ZNF385D: variants seen among roughly 807,000 people sequenced by gnomAD.
ZNF385D encodes zinc finger protein 385D.
ZNF385D carries 15 observed loss-of-function variants against 35.8 expected under a neutral mutation model. The observed-to-expected ratio is 0.42, with a 90% CI of 0.28 to 0.64. The LOEUF is 0.64. Among genes scored for constraint, ZNF385D ranks in the 30% least tolerant of loss-of-function variants. The pLI is 0.23. For missense variants in ZNF385D, 474 were observed against 494.6 expected (o/e 0.96, Z 0.39); for synonymous variants, 212 against 186.8 (o/e 1.13, Z -1.10).
intron 3 of ZNF385D, among the ~76,000 whole-genome samples, chr3:21,924,289 A>T (rs1433219013): frequency 6.6e-6 from 1 of 152,222 alleles, no homozygotes; most frequent in Non-Finnish European, 1.5e-5. Flanking sequence ...AAGGTATTGT[A>T]AAATCCAAGG....
intron 4 of ZNF385D, among the ~76,000 whole-genome samples, chr3:21,451,004 T>A (rs1344980855): frequency 6.6e-6 from 1 of 152,114 alleles, no homozygotes. Context: ...CTTATTAACT[T>A]TTTTTTCAAG....
intron 4 of ZNF385D, among the ~76,000 whole-genome samples, chr3:21,458,909 T>G (rs1470699619): frequency 3.9e-5 from 6 of 152,148 alleles, no homozygotes; most frequent in African/African-American, 1.4e-4. Context: ...CTAAAACCAG[T>G]TAATTGTACA....
intron 2 of ZNF385D, among the ~76,000 whole-genome samples, chr3:22,190,539 A>T (rs1403468941): frequency 6.6e-6 from 1 of 152,180 alleles, no homozygotes; most frequent in African/African-American, 2.4e-5. Flanking sequence ...ACAAGTTCAT[A>T]AAGTAATTGC....
chr3:21,758,164 G>A (rs769501248), intron 3 of ZNF385D, among the ~76,000 whole-genome samples: 1 of 152,146 alleles, frequency 6.6e-6, no homozygotes, highest in African/African-American at 2.4e-5. Context: ...CCTTATTACA[G>A]TATTTATTAG....
chr3:21,653,661 G>C (rs370119370), intron 2 of ZNF385D, among the ~76,000 whole-genome samples: 4 of 151,832 alleles, frequency 2.6e-5, no homozygotes, highest in Admixed American at 2.6e-4. Flanking sequence ...CTTAAAACCA[G>C]ATTCTGTCAA....
In ZNF385D at chr3:21,646,510, T is replaced by C. The variant is rs999756086; in HGVS notation, c.165+18376A>G. 6.6e-6 allele frequency among the ~76,000 whole-genome samples: 1 copy of C among 152,200 alleles called. No homozygotes were observed. Among genetic ancestry groups the C allele is most frequent in the Admixed American group, 6.5e-5 (1 of 15,284 alleles). On this transcript the variant is annotated intron_variant, in intron 2 of 7. Transcript: ENST00000281523. The surrounding 1 kb of genome is among the most constrained non-coding windows in gnomAD (Gnocchi z 4.3). The stretch of plus-strand genomic sequence containing the variant: ...TCAAAAACTAATAACCACAGACTAT[T>C]TTCAGTAGTAACTGAAACTAATTCA...
intron 3 of ZNF385D, among the ~76,000 whole-genome samples, chr3:22,091,261 A>G (rs1044876148): frequency 2.0e-5 from 3 of 152,198 alleles, no homozygotes; most frequent in African/African-American, 7.2e-5. Context: ...ACTGGTGAAG[A>G]TAAACCAGTC....
chr3:21,912,852 G>T (rs1700026201), intron 3 of ZNF385D, among the ~76,000 whole-genome samples: 1 of 152,010 alleles, frequency 6.6e-6, no homozygotes, highest in Admixed American at 6.6e-5. Context: ...GTTCTTCTCT[G>T]AACAGCATTT....
At chr3:21,936,907 T>A (rs1342505229) in intron 3 of ZNF385D, among the ~76,000 whole-genome samples, 1 of 152,208 alleles carries the variant, frequency 6.6e-6, no homozygotes, top group Non-Finnish European at 1.5e-5. Flanking sequence ...AGTGAATTGC[T>A]AAATTTAAAC....
At chr3:21,810,994 G>GTATATATATA (rs1426874955) in intron 3 of ZNF385D, among the ~76,000 whole-genome samples, 37 of 108,570 alleles carry the variant, frequency 3.4e-4, no homozygotes, top group Admixed American at 7.3e-4. Flanking sequence ...GTGTGTGTGT[G>GTATATATATA]TGTGTATATA....
intron 3 of ZNF385D, among the ~76,000 whole-genome samples, chr3:22,048,331 C>A (rs1699133448): frequency 6.6e-6 from 1 of 152,084 alleles, no homozygotes; most frequent in Non-Finnish European, 1.5e-5. Context: ...AAAATCAATG[C>A]CCAAACCAGT....
At chr3:21,574,378 A>G (rs540967156) in intron 2 of ZNF385D, among the ~76,000 whole-genome samples, 3 of 152,280 alleles carry the variant, frequency 2.0e-5, no homozygotes, top group South Asian at 2.1e-4. Context: ...ATAAATGGCT[A>G]GAAAATAATT....
Position 21,501,265 on chromosome 3 carries a change from C to T in ZNF385D, c.439+9596G>A, listed in dbSNP as rs556817578. Among the ~76,000 whole-genome samples the T allele has an allele frequency of 5.1e-4, 78 of 152,266 alleles. 1 individual carries two copies. The highest frequency in any genetic ancestry group is 1.9e-3 in the African/African-American group (77 of 41,560). Reference sequence around the variant, plus strand: ...TTCTGCCGTCTTCCTTCTTTCTTGCCTATTAAACTCTCCACTCCTTAAAAT... The same window carrying T: ...TTCTGCCGTCTTCCTTCTTTCTTGCTTATTAAACTCTCCACTCCTTAAAAT... On this transcript the variant is annotated intron_variant, in intron 4 of 7. Coordinates refer to ENST00000281523, the MANE Select transcript of ZNF385D (RefSeq NM_024697.3).
intron 2 of ZNF385D, among the ~76,000 whole-genome samples, chr3:21,571,633 A>G (rs2063337330): frequency 6.6e-6 from 1 of 152,154 alleles, no homozygotes; most frequent in Non-Finnish European, 1.5e-5. Context: ...ACAAGACTCT[A>G]CTTCAAACAC....
intron 3 of ZNF385D, among the ~76,000 whole-genome samples, chr3:21,908,832 G>T (rs1699821651): frequency 6.6e-6 from 1 of 151,870 alleles, no homozygotes; most frequent in Admixed American, 6.6e-5. Context: ...CAAATTATAA[G>T]CATGTAAATT....
intron 3 of ZNF385D, among the ~76,000 whole-genome samples, chr3:21,530,179 C>T (rs1300632835): frequency 7.2e-5 from 11 of 152,270 alleles, no homozygotes; most frequent in South Asian, 2.1e-4. Context: ...CTGAGCCCCT[C>T]GCCAGAAACA....
chr3:21,856,705 C>A (rs1489014595), intron 3 of ZNF385D, among the ~76,000 whole-genome samples: 4 of 152,070 alleles, frequency 2.6e-5, no homozygotes, highest in African/African-American at 9.7e-5. Context: ...TGAATTATTG[C>A]AGGGTATTTC....
At chr3:21,773,855 C>A (rs946638455) in intron 3 of ZNF385D, among the ~76,000 whole-genome samples, 2 of 151,974 alleles carry the variant, frequency 1.3e-5, no homozygotes, top group Middle Eastern at 3.4e-3. Context: ...GTGGAAGATG[C>A]TGTGGCAATT....
At chr3:22,116,398 C>G (rs1330766381) in intron 3 of ZNF385D, among the ~76,000 whole-genome samples, 2 of 152,004 alleles carry the variant, frequency 1.3e-5, no homozygotes, top group African/African-American at 4.8e-5. Flanking sequence ...AAGAACTACT[C>G]AGATTATTTT....
Sources: gnomAD v4.1 joint callset for allele counts (sites outside exome capture counted in the v4.1 genomes callset) on GRCh38, gnomAD v4.1.1 for gene constraint, Gnocchi (gnomAD v3.1) non-coding constraint, MANE v1.5 for transcripts, NCBI Gene and HGNC (gene_info 2026-07-23, HGNC 2026-07-21) for gene names.